The following CREB3L2 variants were observed in gnomAD, a reference collection of about 807,000 sequenced individuals.
CREB3L2 encodes cyclic AMP-responsive element-binding protein 3-like protein 2.
A neutral mutation model predicts 57.2 loss-of-function variants in CREB3L2; 23 were observed. That is an observed-to-expected ratio of 0.40 (90% CI 0.29 to 0.57). The LOEUF (loss-of-function observed/expected upper bound fraction) is 0.57, where lower values mean the gene tolerates loss of function less well. Among genes scored for constraint, CREB3L2 ranks in the 20% least tolerant of loss-of-function variants. The pLI is 0.42. For synonymous variants in CREB3L2, 268 were observed against 265.1 expected (o/e 1.01, Z -0.11); for missense variants, 628 against 634.7 (o/e 0.99, Z 0.11).
At chr7:137,945,890 C>G (rs1490276904) in intron 1 of CREB3L2, among the ~76,000 whole-genome samples, 4 of 152,194 alleles carry the variant, frequency 2.6e-5, no homozygotes, top group Non-Finnish European at 5.9e-5. Context: ...CCACCTTGAG[C>G]CGCTACAATT....
intron 2 of CREB3L2, among the ~76,000 whole-genome samples, chr7:137,927,387 GAGGGAAGGAGGGAAGGA>G (rs1456936339): frequency 1.4e-5 from 2 of 140,580 alleles, no homozygotes; most frequent in African/African-American, 5.7e-5. Context: ...AGAAGGAAGG[GAGGGAAGGAGGGAAGGA>G]AGGGAAGGGA....
rs746803448 is a variant in CREB3L2 at position 137,876,999 on chromosome 7, C to T, written c.*3477G>A. 5 of 230,448 alleles carry T rather than the reference C, an allele frequency of 2.2e-5. No individual in the cohort carries two copies. The highest frequency in any genetic ancestry group is 5.7e-5 in the Admixed American group (1 of 17,680). The allele number at this position is 230,448 out of a possible 1,614,324, so 14.3% of individuals were successfully genotyped here. A position where few individuals can be genotyped will look rare whatever the true frequency, so the allele number is the denominator to read the frequency against. On this transcript the variant is annotated 3_prime_UTR_variant, in exon 12 of 12. Coordinates refer to ENST00000330387, the MANE Select transcript of CREB3L2 (RefSeq NM_194071.4). Reference sequence around the variant, plus strand: ...GGAGAGGCCTCTAATTCTGCCTCTACGCTTTTGCTGGGTCTGAGGACATGG... The same window carrying T: ...GGAGAGGCCTCTAATTCTGCCTCTATGCTTTTGCTGGGTCTGAGGACATGG...
At chr7:137,952,363 C>T (rs1045383085) in intron 1 of CREB3L2, among the ~76,000 whole-genome samples, 1 of 152,190 alleles carries the variant, frequency 6.6e-6, no homozygotes, top group African/African-American at 2.4e-5. Context: ...ACATACTCAG[C>T]CTCCTTCCCA....
intron 3 of CREB3L2, 91 bp from the exon 4 acceptor site, chr7:137,913,169 C>A: frequency 7.7e-7 from 1 of 1,299,026 alleles, no homozygotes; most frequent in Non-Finnish European, 1.1e-6. Context: ...GTGTCTTCCT[C>A]TCGGGACAGC....
At position 137,905,521 on chromosome 7, in the gene CREB3L2, C is replaced by G. The variant is rs981885889; in HGVS notation, c.915+181G>C. 2.0e-5 allele frequency among the ~76,000 whole-genome samples: 3 copies of G among 151,526 alleles called. No homozygotes were observed. In the East Asian group the frequency reaches 5.8e-4, roughly 30 times the overall value. ...CTGGCCTCAAGAGGGATGGGATGGG[C>G]TGGAGGAAGAGAGGGGCACGTGGTG... is the stretch of plus-strand genomic sequence containing the variant. On this transcript the variant is annotated intron_variant, in intron 6 of 11. Transcript: ENST00000330387.
intron 2 of CREB3L2, among the ~76,000 whole-genome samples, chr7:137,926,586 C>T (rs113373514): frequency 0.091 from 13,798 of 151,930 alleles, 1,851 homozygotes; most frequent in African/African-American, 0.3. Context: ...CGGTGGGTAG[C>T]GGGCAAGGGG....
At chr7:137,968,199 C>A (rs948858226) in intron 1 of CREB3L2, among the ~76,000 whole-genome samples, 1 of 151,440 alleles carries the variant, frequency 6.6e-6, no homozygotes, top group African/African-American at 2.4e-5. Flanking sequence ...TGGACTGGAG[C>A]TAGCTACTCT....
At chr7:137,969,806 C>T (rs542410295) in intron 1 of CREB3L2, among the ~76,000 whole-genome samples, 265 of 133,774 alleles carry the variant, frequency 2.0e-3, no homozygotes, top group African/African-American at 8.4e-3. Flanking sequence ...CATACACATA[C>T]GCAGAAAGAC....
Position 137,901,324 on chromosome 7 carries a change from G to A in CREB3L2, c.1043+30C>T, listed in dbSNP as rs536515376. ...TCCTTCCCCATCTTCCATTGGTAGC[G>A]CAATCAGCTCTCAGTCCAGTGACAC... is the stretch of plus-strand genomic sequence containing the variant. On this transcript the variant is annotated intron_variant, in intron 8 of 11. Transcript: ENST00000330387. The A allele has an allele frequency of 1.0e-4, 139 of 1,334,322 alleles. No individual in the cohort carries two copies. The South Asian group carries it at 1.1e-3, about 11-fold the overall frequency. 82.7% of individuals were successfully genotyped at this position (1,334,322 alleles called of 1,614,324 possible).
chr7:137,879,934 G>GGAGAC lies in CREB3L2; in HGVS notation c.*537_*541dup, dbSNP rs141904248. 0.036 allele frequency: 8,611 copies of GGAGAC among 236,772 alleles called. 628 individuals carry two copies. The highest frequency in any genetic ancestry group is 0.16 in the African/African-American group (7,464 of 45,282). 14.7% of individuals were successfully genotyped at this position (236,772 alleles called of 1,614,324 possible). A position where few individuals can be genotyped will look rare whatever the true frequency, so the allele number is the denominator to read the frequency against. On this transcript the variant is annotated 3_prime_UTR_variant, in exon 12 of 12. Transcript: ENST00000330387. ...GCCCTCGCCTGCCAGTGCTGCTGCA[G>GGAGAC]GAGACGAGACGATCCAGCGAGGGCT... is the stretch of plus-strand genomic sequence containing the variant.
intron 1 of CREB3L2, among the ~76,000 whole-genome samples, chr7:137,940,953 C>T (rs1427706458): frequency 6.6e-6 from 1 of 152,202 alleles, no homozygotes; most frequent in Non-Finnish European, 1.5e-5. Flanking sequence ...AAGATAAGAG[C>T]TAAGGGAATC....
intron 1 of CREB3L2, among the ~76,000 whole-genome samples, chr7:137,999,379 TACACACACACACACACAC>T (rs60762009): frequency 7.0e-6 from 1 of 142,324 alleles, no homozygotes; most frequent in African/African-American, 2.6e-5. Flanking sequence ...TATGTTCCCC[TACACACACACACACACAC>T]ACACACACAC....
chr7:137,882,554 C>T lies in CREB3L2; in HGVS notation c.1345G>A (p.Glu449Lys). Residue 449 changes from glutamate (E) to lysine (K), a missense_variant, in exon 11 of 12, where the codon GAG becomes AAG. Transcript: ENST00000330387. ...GAACCTCTATCCCAGCCCCCCAGCT[C>T]CCCAGCCGAGCCCGGGCTGGATGAC... ...EESSSPGSAG[E>K]LGGWDRGSSL... The T allele has an allele frequency of 6.2e-7, 1 of 1,613,770 alleles. No individual in the cohort carries two copies. Among genetic ancestry groups the T allele is most frequent in the South Asian group, 1.1e-5 (1 of 91,042 alleles).
chr7:137,924,957 G>T (rs1800420982), intron 2 of CREB3L2, among the ~76,000 whole-genome samples: 1 of 152,134 alleles, frequency 6.6e-6, no homozygotes, highest in Non-Finnish European at 1.5e-5. Flanking sequence ...TCTAAGAAAT[G>T]ATATAATAAC....
At chr7:137,902,793 G>GTTTT (rs35168928) in intron 7 of CREB3L2, among the ~76,000 whole-genome samples, 1 of 150,654 alleles carries the variant, frequency 6.6e-6, no homozygotes, top group African/African-American at 2.4e-5. Flanking sequence ...TATTGTTGTA[G>GTTTT]TTTTTTTTTA....
chr7:137,885,364 C>T, intron 9 of CREB3L2, 39 bp downstream of exon 9: 1 of 1,550,238 alleles, frequency 6.5e-7, no homozygotes, highest in South Asian at 1.1e-5. Flanking sequence ...AGGGGCCAGG[C>T]CAGGGGCGGT....
chr7:137,939,025 C>T (rs1434819210), intron 1 of CREB3L2, among the ~76,000 whole-genome samples: 1 of 152,168 alleles, frequency 6.6e-6, no homozygotes, highest in African/African-American at 2.4e-5. Flanking sequence ...GGCTTATTTA[C>T]ACATATAGCT....
At chr7:137,882,884 C>T (rs538320385) in intron 10 of CREB3L2, among the ~76,000 whole-genome samples, 25 of 149,768 alleles carry the variant, frequency 1.7e-4, no homozygotes, top group East Asian at 9.8e-4. Context: ...AACTACCACC[C>T]CCACTGCTTT....
intron 1 of CREB3L2, among the ~76,000 whole-genome samples, chr7:137,952,163 T>C (rs1801114519): frequency 6.6e-6 from 1 of 152,238 alleles, no homozygotes; most frequent in South Asian, 2.1e-4. Flanking sequence ...CACAAGTCCT[T>C]ATTGTCAAGT....
Sources: allele counts gnomAD v4.1 joint callset (sites outside exome capture counted in the v4.1 genomes callset), GRCh38; gene constraint gnomAD v4.1.1; transcripts MANE v1.5; gene names NCBI Gene and HGNC (gene_info 2026-07-23, HGNC 2026-07-21).